SLF2: variants seen among roughly 807,000 people sequenced by gnomAD.
SLF2 encodes the protein SMC5/6 complex localization factor 2, also known as SMC5-SMC6 complex localization factor protein 2.
Under a neutral mutation model 124.3 loss-of-function variants are expected in SLF2, and 68 were observed. The ratio of observed to expected loss-of-function variants is 0.55; its 90% CI spans 0.45 to 0.67. The LOEUF (loss-of-function observed/expected upper bound fraction) is 0.67. Ranked by LOEUF, SLF2 falls within the 30% of genes least tolerant of loss-of-function variation. The pLI is 0.00. For missense variants in SLF2, 1,246 were observed against 1,373.7 expected, an observed-to-expected ratio of 0.91 and a Z score of 1.47; for synonymous variants, 480 against 478.8, an observed-to-expected ratio of 1.00 and a Z score of -0.03.
intron 10 of SLF2, 96 bp from the exon 11 acceptor site, chr10:100,938,499 T>C (rs953876692): frequency 1.7e-6 from 2 of 1,201,956 alleles, no homozygotes; most frequent in Non-Finnish European, 2.3e-6. Flanking sequence ...TATAAAACCA[T>C]TGTAATTATT....
intron 9 of SLF2, among the ~76,000 whole-genome samples, chr10:100,934,962 C>T (rs1311378371): frequency 6.6e-6 from 1 of 152,032 alleles, no homozygotes; most frequent in Non-Finnish European, 1.5e-5. Flanking sequence ...CAATCTATGG[C>T]TTCTAAGCAA....
chr10:100,950,757 G>A lies in SLF2; in HGVS notation c.3330+4G>A. 4 of 1,612,488 alleles carry A rather than the reference G, an allele frequency of 2.5e-6. No homozygotes were observed. In the South Asian group the frequency reaches 3.3e-5, roughly 13 times the overall value. Reference sequence around the variant, plus strand: ...TTCTTTTTCTTCTGGACAACGGGTAGGTAGTGTTTAGTGTTGTTGCTGCTG... The same window carrying A: ...TTCTTTTTCTTCTGGACAACGGGTAAGTAGTGTTTAGTGTTGTTGCTGCTG... On this transcript the variant is annotated splice_donor_region_variant and intron_variant, in intron 17 of 19. Transcript: ENST00000238961.
At chr10:100,939,882 A>G (rs1417019010) in intron 11 of SLF2, among the ~76,000 whole-genome samples, 2 of 152,206 alleles carry the variant, frequency 1.3e-5, no homozygotes, top group African/African-American at 2.4e-5. Context: ...TCTACTCCAT[A>G]TAGGATCCCT....
At chr10:100,961,831 T>A in intron 19 of SLF2, 46 bp from the exon 20 acceptor site, 17 of 1,551,904 alleles carry the variant, frequency 1.1e-5, no homozygotes, top group Non-Finnish European at 1.4e-5. Flanking sequence ...ATTCATAATA[T>A]GATTAAATTT....
rs1208062159 is a variant in SLF2, at chr10:100,924,811, G to A, written c.1810G>A (p.Asp604Asn). ...AAAACTAAGGGGTGATTTTGATAGT[G>A]ATGAAGAAAGTTTAGGTTACAACCT... ...KRKLRGDFDSDEESLGYNLDS... is the reference protein window; with the variant it reads ...KRKLRGDFDSNEESLGYNLDS... The change falls in exon 5 of 20, where the codon GAT becomes AAT. Residue 604 changes from aspartate to asparagine, a missense_variant. By Grantham distance (23) the Asp-to-Asn change is conservative. Coordinates refer to ENST00000238961, the MANE Select transcript of SLF2 (RefSeq NM_018121.4). The A allele has an allele frequency of 6.2e-7, 1 of 1,614,100 alleles. No individual in the cohort carries two copies. Among genetic ancestry groups the A allele is most frequent in the Non-Finnish European group, 8.5e-7 (1 of 1,180,056 alleles).
At chr10:100,934,515 C>T (rs1220028285) in intron 9 of SLF2, among the ~76,000 whole-genome samples, 1 of 152,048 alleles carries the variant, frequency 6.6e-6, no homozygotes, top group East Asian at 1.9e-4. Flanking sequence ...TTTTTTTTCA[C>T]ATAGATTGTG....
intron 19 of SLF2, among the ~76,000 whole-genome samples, chr10:100,961,176 A>AT (rs1360690226): frequency 6.6e-6 from 1 of 151,048 alleles, no homozygotes; most frequent in East Asian, 1.9e-4. Flanking sequence ...CACCTGGCTA[A>AT]TTTTTTTGTA....
Position 100,929,801 on chromosome 10 carries a change from G to A in SLF2, c.2166-29G>A, listed in dbSNP as rs574199965. 6.0e-6 allele frequency: 9 copies of A among 1,511,420 alleles called. No individual in the cohort carries two copies. In the Admixed American group the frequency reaches 6.5e-5, roughly 11 times the overall value. The allele number at this position is 1,511,420 out of a possible 1,614,324, so 93.6% of individuals were successfully genotyped here. On this transcript the variant is annotated intron_variant, in intron 7 of 19. Transcript: ENST00000238961. ...AAAACTATATGTAGTGTAACAATTT[G>A]GTATTGATTGACTTTTTTTATGTTT...
At chr10:100,917,377 A>G (rs1849437728) in intron 3 of SLF2, 77 bp downstream of exon 3, 5 of 1,433,308 alleles carry the variant, frequency 3.5e-6, no homozygotes, top group Non-Finnish European at 4.6e-6. Context: ...AATATTTAAG[A>G]GTTGTTACAT....
At chr10:100,916,262 G>C (rs560848640) in intron 2 of SLF2, among the ~76,000 whole-genome samples, 1 of 152,172 alleles carries the variant, frequency 6.6e-6, no homozygotes, top group Admixed American at 6.5e-5. Flanking sequence ...TATTATTCTA[G>C]TAAAAAATTT....
At chr10:100,955,013 C>T (rs1303484213) in intron 17 of SLF2, among the ~76,000 whole-genome samples, 2 of 150,544 alleles carry the variant, frequency 1.3e-5, no homozygotes, top group Non-Finnish European at 2.9e-5. Flanking sequence ...AGTCTCGGCT[C>T]ACTGAAAGCT....
At chr10:100,931,126 A>G in intron 9 of SLF2, 48 bp downstream of exon 9, 1 of 1,396,060 alleles carries the variant, frequency 7.2e-7, no homozygotes, top group Non-Finnish European at 9.9e-7. Flanking sequence ...CTATATTTCT[A>G]AGTCAAAAGC....
At position 100,964,871 on chromosome 10, in the gene SLF2, G is replaced by A. The variant is rs1297568265; in HGVS notation, c.*2959G>A. 6.6e-6 allele frequency: 1 copy of A among 152,230 alleles called. No homozygotes were observed. The highest frequency in any genetic ancestry group is 2.4e-5 in the African/African-American group (1 of 41,408). 9.4% of individuals were successfully genotyped at this position (152,230 alleles called of 1,614,324 possible). A position where few individuals can be genotyped will look rare whatever the true frequency, so the allele number is the denominator to read the frequency against. ...TTTGTCGCTAAGGAGGCAACAGTAG[G>A]GTCCAGGCGGCGGGGCACGTAGAGC... is the stretch of plus-strand genomic sequence containing the variant. On this transcript the variant is annotated 3_prime_UTR_variant, in exon 20 of 20. Coordinates refer to ENST00000238961, the MANE Select transcript of SLF2 (RefSeq NM_018121.4).
chr10:100,953,205 A>G (rs576079018), intron 17 of SLF2, among the ~76,000 whole-genome samples: 108 of 151,704 alleles, frequency 7.1e-4, no homozygotes, highest in African/African-American at 2.4e-3. Flanking sequence ...TATTTTTAGT[A>G]GAGATGGGGT....
intron 4 of SLF2, among the ~76,000 whole-genome samples, chr10:100,921,456 G>GAA (rs1823155876): frequency 6.6e-6 from 1 of 152,108 alleles, no homozygotes; most frequent in Non-Finnish European, 1.5e-5. Flanking sequence ...TGAAATATTT[G>GAA]AAAAACTGTA....
intron 1 of SLF2, 182 bp downstream of exon 1, chr10:100,913,432 C>T (rs1284556339): frequency 7.5e-7 from 1 of 1,336,594 alleles, no homozygotes; most frequent in Non-Finnish European, 9.6e-7. Flanking sequence ...GAGTTTGCTT[C>T]TCTGTAGTTG....
chr10:100,929,154 G>A (rs1274653744), intron 6 of SLF2, among the ~76,000 whole-genome samples, 163 bp from the exon 7 acceptor site: 2 of 152,158 alleles, frequency 1.3e-5, no homozygotes, highest in South Asian at 2.1e-4. Flanking sequence ...ATTGTACGTC[G>A]TGATGTATTT....
At chr10:100,918,022 G>A (rs1330099394) in intron 3 of SLF2, among the ~76,000 whole-genome samples, 2 of 152,228 alleles carry the variant, frequency 1.3e-5, no homozygotes, top group Non-Finnish European at 2.9e-5. Context: ...AGGAGATCAA[G>A]GTTGCAGTGA....
chr10:100,961,380 A>C (rs1479869072), intron 19 of SLF2, among the ~76,000 whole-genome samples: 2 of 152,192 alleles, frequency 1.3e-5, no homozygotes, highest in African/African-American at 4.8e-5. Flanking sequence ...AACTTTGAGT[A>C]GCCAGGGCCT....
Sources: allele counts gnomAD v4.1 joint callset (sites outside exome capture counted in the v4.1 genomes callset), GRCh38; gene constraint gnomAD v4.1.1; transcripts MANE v1.5; gene names NCBI Gene and HGNC (gene_info 2026-07-23, HGNC 2026-07-21).